GBE1: variants seen among roughly 807,000 people sequenced by gnomAD.
GBE1 encodes the protein 1,4-alpha-glucan branching enzyme 1, also known as 1,4-alpha-glucan-branching enzyme.
In GBE1, 70 loss-of-function variants were observed where a neutral mutation model predicts 88.8. The ratio of observed to expected loss-of-function variants is 0.79; its 90% confidence interval spans 0.65 to 0.96. The LOEUF (loss-of-function observed/expected upper bound fraction) is 0.96. Among genes scored for constraint, GBE1 ranks in the 40% least tolerant of loss-of-function variants. The pLI is 0.00. For synonymous variants in GBE1, 284 were observed against 300.1 expected (o/e 0.95, Z 0.56); for missense variants, 872 against 871.0 (o/e 1.00, Z -0.01).
chr3:81,515,166 T>C (rs754339315), intron 14 of GBE1, among the ~76,000 whole-genome samples: 12 of 151,592 alleles, frequency 7.9e-5, no homozygotes. Flanking sequence ...AATTGAAGAT[T>C]TGTAGCAACG....
At chr3:81,684,249 C>T (rs147585147) in intron 2 of GBE1, among the ~76,000 whole-genome samples, 68 of 152,262 alleles carry the variant, frequency 4.5e-4, no homozygotes, top group African/African-American at 1.5e-3. Context: ...CTCTATGACA[C>T]GTATACAACA....
At chr3:81,683,571 C>A (rs1705389809) in intron 2 of GBE1, among the ~76,000 whole-genome samples, 1 of 152,138 alleles carries the variant, frequency 6.6e-6, no homozygotes, top group South Asian at 2.1e-4. Flanking sequence ...AAATAGGTAT[C>A]CTCTTCTCAA....
Position 81,490,321 on chromosome 3 carries a change from A to C in GBE1, c.*86T>G, listed in dbSNP as rs889697398. On this transcript the variant is annotated 3_prime_UTR_variant, in exon 16 of 16. Coordinates refer to ENST00000429644, the MANE Select transcript of GBE1 (RefSeq NM_000158.4). Reference sequence around the variant, plus strand: ...CTTGGCTAGACAACTGTATTCTGAAAAGCATACATGTTATAAGCTGTGTGA... The same window carrying C: ...CTTGGCTAGACAACTGTATTCTGAACAGCATACATGTTATAAGCTGTGTGA... 9.0e-7 allele frequency: 1 copy of C among 1,112,894 alleles called. No homozygotes were observed. Among genetic ancestry groups the C allele is most frequent in the Admixed American group, 1.8e-5 (1 of 56,662 alleles). 68.9% of individuals were successfully genotyped at this position (1,112,894 alleles called of 1,614,324 possible).
chr3:81,539,549 A>C (rs899998134), intron 12 of GBE1, among the ~76,000 whole-genome samples: 1 of 152,006 alleles, frequency 6.6e-6, no homozygotes, highest in African/African-American at 2.4e-5. Context: ...GGGAAAGTTG[A>C]ATGATAGGAA....
At chr3:81,525,865 G>T (rs904654521) in intron 14 of GBE1, among the ~76,000 whole-genome samples, 2 of 151,806 alleles carry the variant, frequency 1.3e-5, no homozygotes, top group African/African-American at 4.8e-5. Context: ...ATTTCTGGGG[G>T]TTGGTGGTGA....
chr3:81,523,882 C>T (rs939368311), intron 14 of GBE1, among the ~76,000 whole-genome samples: 1 of 151,664 alleles, frequency 6.6e-6, no homozygotes, highest in African/African-American at 2.4e-5. Flanking sequence ...ACTATATTTT[C>T]TTTGTTCATT....
chr3:81,744,793 T>C (rs1026151924), intron 1 of GBE1, among the ~76,000 whole-genome samples: 1 of 152,220 alleles, frequency 6.6e-6, no homozygotes, highest in Non-Finnish European at 1.5e-5. Context: ...AAAGTTCAAA[T>C]GATACCTTCA....
At chr3:81,656,859 A>T (rs1318644865) in intron 3 of GBE1, among the ~76,000 whole-genome samples, 1 of 152,150 alleles carries the variant, frequency 6.6e-6, no homozygotes, top group African/African-American at 2.4e-5. Flanking sequence ...AAGGGACTTT[A>T]AAAATGTGAA....
At chr3:81,502,773 T>C (rs953693478) in intron 14 of GBE1, among the ~76,000 whole-genome samples, 2 of 152,172 alleles carry the variant, frequency 1.3e-5, no homozygotes, top group Non-Finnish European at 2.9e-5. Flanking sequence ...TGCACACATA[T>C]GTACATACAT....
chr3:81,686,895 T>C (rs1015374160), intron 2 of GBE1, among the ~76,000 whole-genome samples: 7 of 152,226 alleles, frequency 4.6e-5, no homozygotes, highest in Admixed American at 4.6e-4. Flanking sequence ...CATGTGTCTA[T>C]ATAGTATAAA....
At chr3:81,703,238 AG>A (rs1420335040) in intron 2 of GBE1, among the ~76,000 whole-genome samples, 2 of 152,050 alleles carry the variant, frequency 1.3e-5, no homozygotes, top group African/African-American at 4.8e-5. Context: ...TTTATGTAAA[AG>A]AAAAAATTAT....
intron 7 of GBE1, among the ~76,000 whole-genome samples, chr3:81,600,554 T>C (rs1704018998): frequency 6.6e-6 from 1 of 152,190 alleles, no homozygotes; most frequent in Non-Finnish European, 1.5e-5. Flanking sequence ...AGAATAAAGA[T>C]CTTATACAAA....
intron 14 of GBE1, among the ~76,000 whole-genome samples, chr3:81,529,635 ACT>A (rs1702988644): frequency 6.6e-6 from 1 of 151,722 alleles, no homozygotes; most frequent in South Asian, 2.1e-4. Context: ...ACGCCATGCC[ACT>A]CTCTCCTGGC....
rs1703642252 is a variant in GBE1 at position 81,575,871 on chromosome 3, C to G, written c.1618+2054G>C. On this transcript the variant is annotated intron_variant, in intron 12 of 15. Transcript: ENST00000429644. The stretch of plus-strand genomic sequence containing the variant: ...TATTCTTTAATACATGGGAAGGTAG[C>G]CTTGTATTTGTTACTTTAAAAAAAA... 2.0e-5 allele frequency among the ~76,000 whole-genome samples: 3 copies of G among 152,132 alleles called. No homozygotes were observed. The South Asian group carries it at 6.2e-4, about 32-fold the overall frequency.
intron 10 of GBE1, among the ~76,000 whole-genome samples, chr3:81,584,054 A>C (rs1703765857): frequency 6.6e-6 from 1 of 152,122 alleles, no homozygotes; most frequent in South Asian, 2.1e-4. Flanking sequence ...TGGAATTAAC[A>C]GATCAATGAA....
chr3:81,552,372 G>T (rs1456424509), intron 12 of GBE1, among the ~76,000 whole-genome samples: 1 of 152,004 alleles, frequency 6.6e-6, no homozygotes, highest in Non-Finnish European at 1.5e-5. Context: ...ACAAAAATTA[G>T]CTGAGCGCGT....
intron 1 of GBE1, among the ~76,000 whole-genome samples, chr3:81,722,892 G>GTATATATATATATATA (rs201396919): frequency 2.0e-5 from 2 of 102,096 alleles, no homozygotes; most frequent in African/African-American, 8.0e-5. Flanking sequence ...GTGTGTGTGT[G>GTATATATATATATATA]TGTGTATATA....
chr3:81,560,673 G>A (rs1703404373), intron 12 of GBE1, among the ~76,000 whole-genome samples: 1 of 151,932 alleles, frequency 6.6e-6, no homozygotes, highest in Non-Finnish European at 1.5e-5. Flanking sequence ...GTGTGTGTTG[G>A]TGAAGCTCAG....
chr3:81,630,628 TACACATCA>T (rs958526450), intron 7 of GBE1, among the ~76,000 whole-genome samples: 4 of 152,130 alleles, frequency 2.6e-5, no homozygotes, highest in African/African-American at 9.7e-5. Context: ...GAATATTAAA[TACACATCA>T]ACTATTTCTG....
Sources: allele counts gnomAD v4.1 joint callset (sites outside exome capture counted in the v4.1 genomes callset), GRCh38; gene constraint gnomAD v4.1.1; transcripts MANE v1.5; gene names NCBI Gene and HGNC (gene_info 2026-07-23, HGNC 2026-07-21).